The following KCNC3 variants were observed in gnomAD, a reference collection of about 807,000 sequenced individuals.
The protein encoded by KCNC3 is voltage-gated potassium channel KCNC3.
KCNC3 carries 22 observed loss-of-function variants against 43.9 expected under a neutral mutation model. The observed-to-expected ratio is 0.50, with a 90% CI of 0.36 to 0.72. The LOEUF (loss-of-function observed/expected upper bound fraction) is 0.72. KCNC3 is among the 30% of genes least tolerant of loss of function. KCNC3 has a pLI of 0.00. For missense variants in KCNC3, 829 were observed against 1,073.8 expected, an observed-to-expected ratio of 0.77 and a Z score of 3.19; for synonymous variants, 492 against 488.0, an observed-to-expected ratio of 1.01 and a Z score of -0.11.
intron 4 of KCNC3, among the ~76,000 whole-genome samples, chr19:50,317,229 TG>T (rs35912998): frequency 0.25 from 35,793 of 143,602 alleles, 5,261 homozygotes; most frequent in East Asian, 0.77. Flanking sequence ...AAAGGAGAGG[TG>T]GGGGGGATGG....
At chr19:50,333,010 C>G (rs2037204685), upstream of KCNC3, among the ~76,000 whole-genome samples, 1 of 152,170 alleles carries the variant, frequency 6.6e-6, no homozygotes. Flanking sequence ...TCTCTGCCTA[C>G]GATCCTTCGT....
At position 50,328,603 on chromosome 19, in the gene KCNC3, G is replaced by GGCTGGGCAGTGCA; in HGVS notation, c.467_479dup (p.Asp161AlafsTer12). Reference sequence around the variant, plus strand: ...CCTCAAACAGGGGCCCGCACACGTCGGCTGGGCAGTGCAGCTTGCCGGTGC... The same window carrying GGCTGGGCAGTGCA: ...CCTCAAACAGGGGCCCGCACACGTCGGCTGGGCAGTGCAGCTGGGCAGTGCAGCTTGCCGGTGC... On this transcript the variant is annotated frameshift_variant, in exon 1 of 5. Transcript: ENST00000477616. LOFTEE classifies it high-confidence loss of function. 6.2e-7 allele frequency: 1 copy of GGCTGGGCAGTGCA among 1,611,308 alleles called. No homozygotes were observed. Among genetic ancestry groups the GGCTGGGCAGTGCA allele is most frequent in the Non-Finnish European group, 8.5e-7 (1 of 1,179,486 alleles).
rs756102398 is a variant in KCNC3, at chr19:50,323,775, T to A, written c.1178A>T (p.Tyr393Phe). The A allele has an allele frequency of 6.2e-7, 1 of 1,614,174 alleles. No individual in the cohort carries two copies. Among genetic ancestry groups the A allele is most frequent in the African/African-American group, 1.3e-5 (1 of 75,056 alleles). ...GAGGCCCGAGAGGCCCACCTCGAGA[T>A]AGAAGGGCAGGATGGCCACACAGTC... ...IIDCVAILPFYLEVGLSGLSS... is the reference protein window; with the variant it reads ...IIDCVAILPFFLEVGLSGLSS... The change falls in exon 2 of 5, where the codon TAT (tyrosine) becomes TTT (phenylalanine). Residue 393 changes from tyrosine (Y) to phenylalanine (F), a missense_variant. Tyr to Phe is a conservative substitution (Grantham distance 22). Around this residue, in one of 7 missense-constraint regions of KCNC3, gnomAD observed 157 missense variants for 293.5 expected, o/e 0.53. Coordinates refer to ENST00000477616, the MANE Select transcript of KCNC3 (RefSeq NM_004977.3).
chr19:50,325,339 C>T (rs1190343919), intron 1 of KCNC3, among the ~76,000 whole-genome samples: 5 of 152,050 alleles, frequency 3.3e-5, no homozygotes, highest in Non-Finnish European at 2.9e-5. Context: ...GGGAGTTTTG[C>T]TATTAATCAG....
At chr19:50,331,835 G>T (rs1196191719), upstream of KCNC3, among the ~76,000 whole-genome samples, 6 of 151,610 alleles carry the variant, frequency 4.0e-5, no homozygotes, top group African/African-American at 1.5e-4. Context: ...CCACTTCCTG[G>T]GGACCCTGTC....
In KCNC3 at chr19:50,324,514, TC is replaced by T. The variant is rs1467702980; in HGVS notation, c.871-433del. 1.3e-5 allele frequency among the ~76,000 whole-genome samples: 2 copies of T among 151,832 alleles called. No homozygotes were observed. The highest frequency in any genetic ancestry group is 4.8e-5 in the African/African-American group (2 of 41,326). On this transcript the variant is annotated intron_variant, in intron 1 of 4. Coordinates refer to ENST00000477616, the MANE Select transcript of KCNC3 (RefSeq NM_004977.3). The surrounding 1 kb of genome is among the most constrained non-coding windows in gnomAD (Gnocchi z 4.1). ...CTGTGTGTCTCGGAGGCTTTAGGGC[TC>T]AGCTTGGAGCTGGGCAGACGGGAAG...
In KCNC3 at chr19:50,324,176, AGCCTCCTGG is replaced by A. The variant is rs1488556867; in HGVS notation, c.871-103_871-95del. On this transcript the variant is annotated intron_variant, in intron 1 of 4. Coordinates refer to ENST00000477616, the MANE Select transcript of KCNC3 (RefSeq NM_004977.3). The surrounding 1 kb of genome is among the most constrained non-coding windows in gnomAD (Gnocchi z 4.1). The stretch of plus-strand genomic sequence containing the variant: ...AGACCCTTCCAGTGCCCCCTTCCCC[AGCCTCCTGG>A]GCCCAAACTCTGGGCAAAATCCAGG... 31 of 1,322,570 alleles carry A rather than the reference AGCCTCCTGG, an allele frequency of 2.3e-5. No individual in the cohort carries two copies. Among genetic ancestry groups the A allele is most frequent in the Non-Finnish European group, 3.2e-5 (31 of 981,180 alleles). The allele number at this position is 1,322,570 out of a possible 1,614,324, so 81.9% of individuals were successfully genotyped here.
At chr19:50,331,697 G>C (rs2123555220), upstream of KCNC3, among the ~76,000 whole-genome samples, 1 of 150,410 alleles carries the variant, frequency 6.6e-6, no homozygotes, top group East Asian at 2.0e-4. Flanking sequence ...TTCTCTTGCT[G>C]GCTCTCTGTT....
intron 1 of KCNC3, among the ~76,000 whole-genome samples, chr19:50,326,819 G>C (rs1354411390): frequency 2.0e-5 from 3 of 151,480 alleles, no homozygotes; most frequent in African/African-American, 7.3e-5. Context: ...GCGATGGAGA[G>C]AGCTTTGGGG....
chr19:50,331,171 T>G (rs2037184169), upstream of KCNC3, among the ~76,000 whole-genome samples: 1 of 151,854 alleles, frequency 6.6e-6, no homozygotes, highest in Non-Finnish European at 1.5e-5. Context: ...TTTGTAAATC[T>G]GCCCTCCTGG....
chr19:50,326,922 C>CG (rs147893901), intron 1 of KCNC3, among the ~76,000 whole-genome samples: 53,713 of 95,366 alleles, frequency 0.56, 13,588 homozygotes, highest in Non-Finnish European at 0.66. Context: ...TTTTGCACGG[C>CG]GGGGGGGGAG....
chr19:50,323,105 C>A lies in KCNC3; in HGVS notation c.1848G>T (p.Gly616=), dbSNP rs936146437. Residue 616 remains glycine (G), a synonymous_variant, in exon 2 of 5, where the codon GGG becomes GGT. Coordinates refer to ENST00000477616, the MANE Select transcript of KCNC3 (RefSeq NM_004977.3). ...TGAGCAGCCCGGGGTGCGTGTGGGG[C>A]CCCGCTGGGTAGGCCCCGGCCACAG... is the stretch of plus-strand genomic sequence containing the variant. The part of the protein sequence containing the change: ...GVTVAGAYPA[G]PHTHPGLLRG... 1.3e-6 allele frequency: 2 copies of A among 1,538,898 alleles called. No individual in the cohort carries two copies. Among genetic ancestry groups the A allele is most frequent in the South Asian group, 1.2e-5 (1 of 83,646 alleles).
At position 50,315,086 on chromosome 19, in the gene KCNC3, A is replaced by G. The variant is rs1339124239; in HGVS notation, c.*1029T>C. 4 of 191,432 alleles carry G rather than the reference A, an allele frequency of 2.1e-5. No homozygotes were observed. Among genetic ancestry groups the G allele is most frequent in the African/African-American group, 7.7e-5 (3 of 38,818 alleles). The allele number at this position is 191,432 out of a possible 1,614,324, so 11.9% of individuals were successfully genotyped here. ...AGAGACCCAAGGCAGGGAGAAAGAG[A>G]CAGAGAGAGAAAGAAATGGAAGGGG... On this transcript the variant is annotated 3_prime_UTR_variant, in exon 5 of 5. Transcript: ENST00000477616.
At position 50,314,920 on chromosome 19, in the gene KCNC3, A is replaced by G. The variant is rs1329058154; in HGVS notation, c.*1195T>C. ...CCCGGGGAGAGCCAGGGGGGGTGGC[A>G]AGGGGCGCGAGGCGCAGGGACACCC... On this transcript the variant is annotated 3_prime_UTR_variant, in exon 5 of 5. Coordinates refer to ENST00000477616, the MANE Select transcript of KCNC3 (RefSeq NM_004977.3). 1.0e-5 allele frequency: 3 copies of G among 301,374 alleles called. No individual in the cohort carries two copies. The highest frequency in any genetic ancestry group is 2.4e-5 in the African/African-American group (1 of 42,544). The allele number at this position is 301,374 out of a possible 1,614,324, so 18.7% of individuals were successfully genotyped here.
intron 1 of KCNC3, among the ~76,000 whole-genome samples, chr19:50,326,219 G>A (rs368457848): frequency 3.6e-3 from 545 of 152,300 alleles, no homozygotes; most frequent in African/African-American, 0.013. Context: ...AGTATCTCCC[G>A]TAGCTGTCCC....
chr19:50,325,653 G>T (rs547183276), intron 1 of KCNC3, among the ~76,000 whole-genome samples: 6 of 152,162 alleles, frequency 3.9e-5, no homozygotes, highest in Non-Finnish European at 8.8e-5. Flanking sequence ...CAGAGCGCAT[G>T]CCTAGTTCCC....
At position 50,315,556 on chromosome 19, in the gene KCNC3, A is replaced by C. The variant is rs915985321; in HGVS notation, c.*559T>G. The C allele has an allele frequency of 3.6e-5, 5 of 138,356 alleles. No individual in the cohort carries two copies. The highest frequency in any genetic ancestry group is 1.4e-4 in the African/African-American group (5 of 36,518). The allele number at this position is 138,356 out of a possible 1,614,324, so 8.6% of individuals were successfully genotyped here. ...GGCTGACCTAGTTGTAGGGAAAGAGAGCAGGCAGGGGGTGGGGTCTGCAAG... is the reference window on the plus strand; with the variant it reads ...GGCTGACCTAGTTGTAGGGAAAGAGCGCAGGCAGGGGGTGGGGTCTGCAAG... On this transcript the variant is annotated 3_prime_UTR_variant, in exon 5 of 5. Coordinates refer to ENST00000477616, the MANE Select transcript of KCNC3 (RefSeq NM_004977.3).
At chr19:50,321,820 T>G (rs1601096664) in intron 2 of KCNC3, among the ~76,000 whole-genome samples, 1 of 143,142 alleles carries the variant, frequency 7.0e-6, no homozygotes, top group Non-Finnish European at 1.5e-5. Context: ...GCAAGCTGGG[T>G]GTCGGGGAGA....
intron 1 of KCNC3, among the ~76,000 whole-genome samples, chr19:50,327,481 T>C (rs2037120719): frequency 6.6e-6 from 1 of 150,928 alleles, no homozygotes; most frequent in Admixed American, 6.6e-5. Flanking sequence ...CAAGTGGAGG[T>C]TTAGAGGGGT....
Sources: allele counts gnomAD v4.1 joint callset (sites outside exome capture counted in the v4.1 genomes callset), GRCh38; gene constraint gnomAD v4.1.1; regional missense constraint gnomAD v4.1.1; non-coding constraint Gnocchi (gnomAD v3.1); transcripts MANE v1.5; gene names NCBI Gene and HGNC (gene_info 2026-07-23, HGNC 2026-07-21).